The following KIFC3 variants were observed in gnomAD, a reference collection of about 807,000 sequenced individuals.
KIFC3 encodes the protein kinesin family member C3, also known as kinesin-like protein KIFC3.
A neutral mutation model predicts 101.8 loss-of-function variants in KIFC3; 60 were observed. The ratio of observed to expected loss-of-function variants is 0.59; its 90% confidence interval spans 0.48 to 0.73. The LOEUF (loss-of-function observed/expected upper bound fraction) is 0.73, where lower values mean the gene tolerates loss of function less well. KIFC3 is among the 30% of genes least tolerant of loss of function. The pLI, the probability that KIFC3 is intolerant of heterozygous loss-of-function variation, is 0.00. For synonymous variants in KIFC3, 476 were observed against 482.7 expected, an observed-to-expected ratio of 0.99 and a Z score of 0.18; for missense variants, 966 against 1,137.1, an observed-to-expected ratio of 0.85 and a Z score of 2.16.
chr16:57,847,465 T>G (rs2055956647), intron 1 of KIFC3, among the ~76,000 whole-genome samples: 1 of 152,094 alleles, frequency 6.6e-6, no homozygotes, highest in South Asian at 2.1e-4. Flanking sequence ...TTGTAGGACA[T>G]GCAGCTGGTG....
rs1465875946 is a variant in KIFC3 at position 57,769,414 on chromosome 16, C to T, written c.1218+181G>A. ...GTAAGACAAATAGCCGAATGCCTGC[C>T]CTGAGCAGTCTAGTTTCAAACAGGG... On this transcript the variant is annotated intron_variant, in intron 9 of 19. Transcript: ENST00000445690. This position sits in a 1 kb window ranked among gnomAD's most constrained non-coding sequence, Gnocchi z 4.3. Among the ~76,000 whole-genome samples, 1 of 152,160 alleles carries T rather than the reference C, an allele frequency of 6.6e-6. No homozygotes were observed. The highest frequency in any genetic ancestry group is 2.4e-5 in the African/African-American group (1 of 41,426).
chr16:57,851,006 C>G lies in KIFC3; in HGVS notation c.108+11723G>C, dbSNP rs991239867. The stretch of plus-strand genomic sequence containing the variant: ...CCTTCCTTCCTTCCTTCCCTCCCTC[C>G]CTCCTTTCCTTCCTTCCTTTTCTTG... On this transcript the variant is annotated intron_variant, in intron 1 of 2. Coordinates refer to the KIFC3 transcript ENST00000563028. 3.4e-5 allele frequency among the ~76,000 whole-genome samples: 5 copies of G among 148,354 alleles called. 1 individual carries two copies. Among genetic ancestry groups the G allele is most frequent in the South Asian group, 4.3e-4 (2 of 4,658 alleles).
chr16:57,846,710 G>A (rs138368225), intron 1 of KIFC3, among the ~76,000 whole-genome samples: 19 of 152,268 alleles, frequency 1.2e-4, no homozygotes, highest in African/African-American at 4.3e-4. Flanking sequence ...ATCCACTTTC[G>A]TTTCATTCTG....
chr16:57,798,631 CCG>C (rs2054531334), intron 1 of KIFC3: 1 of 380,372 alleles, frequency 2.6e-6, no homozygotes, highest in East Asian at 6.1e-5. Flanking sequence ...AGCAGCATCT[CCG>C]TAAGTCTAAT....
At chr16:57,796,412 G>A (rs1299615912) in intron 2 of KIFC3, among the ~76,000 whole-genome samples, 1 of 152,208 alleles carries the variant, frequency 6.6e-6, no homozygotes, top group Non-Finnish European at 1.5e-5. Context: ...GACAGGCAAA[G>A]AACCGGAAGC....
intron 1 of KIFC3, among the ~76,000 whole-genome samples, chr16:57,852,653 C>T (rs2056081416): frequency 6.6e-6 from 1 of 152,152 alleles, no homozygotes; most frequent in African/African-American, 2.4e-5. Context: ...GAAATGAATG[C>T]AAATATTCCG....
At chr16:57,790,889 G>A (rs2967118) in intron 3 of KIFC3, 647,494 of 983,434 alleles carry the variant, frequency 0.66, 218,895 homozygotes, top group Non-Finnish European at 0.69. Context: ...TCCCTCTCTC[G>A]ACCCAGAGCT....
chr16:57,811,309 A>G (rs2055067597), intron 1 of KIFC3, among the ~76,000 whole-genome samples: 2 of 152,240 alleles, frequency 1.3e-5, no homozygotes, highest in Admixed American at 1.3e-4. Flanking sequence ...AAATATACTA[A>G]AAACTATTGG....
At chr16:57,859,671 G>A (rs557784998) in intron 1 of KIFC3, among the ~76,000 whole-genome samples, 7 of 152,226 alleles carry the variant, frequency 4.6e-5, no homozygotes, top group African/African-American at 1.7e-4. Context: ...GAGGGCAACT[G>A]TGTAGGTCAC....
At chr16:57,843,736 C>T (rs247041) in intron 1 of KIFC3, among the ~76,000 whole-genome samples, 68,554 of 152,002 alleles carry the variant, frequency 0.45, 17,692 homozygotes, top group East Asian at 0.62. Context: ...ATAGAAAATA[C>T]TGGAAATACC....
Position 57,798,195 on chromosome 16 carries a change from G to C in KIFC3, c.49C>G (p.Arg17Gly). The change falls in exon 2 of 20, where the codon CGG becomes GGG. Residue 17 changes from arginine to glycine, a missense_variant. Physicochemically the swap from Arg to Gly is moderately radical, Grantham distance 125. Around this residue, in one of 2 missense-constraint regions of KIFC3, gnomAD observed 277 missense variants for 252.5 expected, o/e 1.10. Coordinates refer to ENST00000445690, the MANE Select transcript of KIFC3 (RefSeq NM_001130100.2). ...GCCCGGCCCACTCTCCACAGGCCCC[G>C]CAGCGAGGGCGTGGCTCCCAGGTTC... ...TWNLGATPSL[R>G]GLWRVGRAPE... The C allele has an allele frequency of 6.5e-7, 1 of 1,543,990 alleles. No individual in the cohort carries two copies. Among genetic ancestry groups the C allele is most frequent in the East Asian group, 2.4e-5 (1 of 41,132 alleles).
chr16:57,797,956 T>C, intron 2 of KIFC3, 116 bp downstream of exon 2: 1 of 1,542,384 alleles, frequency 6.5e-7, no homozygotes, highest in Non-Finnish European at 8.7e-7. Flanking sequence ...TCGGTTACCC[T>C]GTAATTACCT....
chr16:57,847,590 T>G (rs1459482431), intron 1 of KIFC3, among the ~76,000 whole-genome samples: 3 of 151,982 alleles, frequency 2.0e-5, no homozygotes, highest in Non-Finnish European at 4.4e-5. Flanking sequence ...TTTGTGGAAT[T>G]GACACAAACA....
At chr16:57,816,308 G>C (rs993312045) in intron 1 of KIFC3, 1 of 1,214,332 alleles carries the variant, frequency 8.2e-7, no homozygotes, top group Admixed American at 2.3e-5. Context: ...AGGAAGTGCG[G>C]TGGGATCTGT....
chr16:57,811,413 G>T (rs2055071125), intron 1 of KIFC3, among the ~76,000 whole-genome samples: 1 of 151,830 alleles, frequency 6.6e-6, no homozygotes, highest in South Asian at 2.1e-4. Flanking sequence ...AGGGAGGACA[G>T]GAGAGAGAGA....
upstream of KIFC3, chr16:57,803,266 C>A (rs988274617): frequency 2.4e-5 from 17 of 698,634 alleles, no homozygotes; most frequent in Non-Finnish European, 4.2e-5. Flanking sequence ...CTGGGGGAGG[C>A]CAGGGGCCTG....
intron 1 of KIFC3, among the ~76,000 whole-genome samples, chr16:57,811,669 A>G (rs1490855206): frequency 6.6e-6 from 1 of 152,118 alleles, no homozygotes; most frequent in African/African-American, 2.4e-5. Context: ...TAATCCTAGC[A>G]CTTTGGGAGG....
chr16:57,802,558 AC>A (rs2054810911), upstream of KIFC3: 1 of 990,098 alleles, frequency 1.0e-6, no homozygotes, highest in South Asian at 4.7e-5. The surrounding 1 kb of genome is among the most constrained non-coding windows in gnomAD (Gnocchi z 5.0). Context: ...ACCGGCTCCG[AC>A]CCCGGCGGGG....
chr16:57,789,377 G>A (rs1472634586), intron 3 of KIFC3, among the ~76,000 whole-genome samples: 2 of 152,256 alleles, frequency 1.3e-5, no homozygotes, highest in African/African-American at 4.8e-5. Flanking sequence ...GGCACGAAGA[G>A]GTGTTTCATC....
Sources: allele counts gnomAD v4.1 joint callset (sites outside exome capture counted in the v4.1 genomes callset), GRCh38; gene constraint gnomAD v4.1.1; regional missense constraint gnomAD v4.1.1; non-coding constraint Gnocchi (gnomAD v3.1); transcripts MANE v1.5; gene names NCBI Gene and HGNC (gene_info 2026-07-23, HGNC 2026-07-21).